The following RBFOX1 variants were observed in gnomAD, a reference collection of about 807,000 sequenced individuals.
RBFOX1 encodes RNA binding fox-1 homolog 1.
In RBFOX1, 8 loss-of-function variants were observed where a neutral mutation model predicts 57.7. The ratio of observed to expected loss-of-function variants is 0.14; its 90% CI spans 0.08 to 0.25. The LOEUF (loss-of-function observed/expected upper bound fraction) is 0.25. Ranked by LOEUF, RBFOX1 falls within the 10% of genes least tolerant of loss-of-function variation. RBFOX1 has a pLI of 1.00. For synonymous variants in RBFOX1, 326 were observed against 222.4 expected (o/e 1.47, Z -4.15); for missense variants, 611 against 548.5 (o/e 1.11, Z -1.14).
At chr16:7,267,906 C>T (rs2095211619) in intron 4 of RBFOX1, among the ~76,000 whole-genome samples, 1 of 152,140 alleles carries the variant, frequency 6.6e-6, no homozygotes, top group African/African-American at 2.4e-5. Context: ...GAGTCAGAAG[C>T]ACTTCAGTAC....
At chr16:6,844,100 C>T (rs534157791) in intron 3 of RBFOX1, among the ~76,000 whole-genome samples, 3 of 147,370 alleles carry the variant, frequency 2.0e-5, no homozygotes, top group Admixed American at 6.9e-5. Context: ...TGTCTCTAAG[C>T]CACCATCACA....
chr16:7,592,252 T>C (rs11077202), intron 7 of RBFOX1, among the ~76,000 whole-genome samples: 1 of 152,042 alleles, frequency 6.6e-6, no homozygotes, highest in African/African-American at 2.4e-5. Context: ...TGTATTCTCT[T>C]TGCTTAAAAA....
exon 1 of RBFOX1, chr16:5,240,029 A>G: frequency 6.5e-7 from 1 of 1,530,554 alleles, no homozygotes; most frequent in African/African-American, 1.4e-5. Flanking sequence ...CAGCCCGAGG[A>G]CTGCGAGGAC....
At chr16:6,337,497 G>T (rs1012243967) in intron 2 of RBFOX1, among the ~76,000 whole-genome samples, 2 of 152,188 alleles carry the variant, frequency 1.3e-5, no homozygotes, top group Non-Finnish European at 2.9e-5. Context: ...AATGGCAAAG[G>T]AGTGGAAATA....
chr16:6,023,038 C>G (rs1044601558), intron 1 of RBFOX1, among the ~76,000 whole-genome samples: 3 of 151,978 alleles, frequency 2.0e-5, no homozygotes, highest in Non-Finnish European at 4.4e-5. Context: ...AGGTTGTGGC[C>G]AGGGTCTCAG....
chr16:7,268,896 G>A (rs1158713421), intron 4 of RBFOX1, among the ~76,000 whole-genome samples: 3 of 151,800 alleles, frequency 2.0e-5, no homozygotes, highest in Non-Finnish European at 4.4e-5. Flanking sequence ...AATTAGCCAA[G>A]CGTGGTGGCA....
At chr16:6,835,787 T>C (rs1348135522) in intron 3 of RBFOX1, among the ~76,000 whole-genome samples, 1 of 143,092 alleles carries the variant, frequency 7.0e-6, no homozygotes, top group Non-Finnish European at 1.5e-5. Flanking sequence ...AAAAAGTTTG[T>C]ATCATGTGTA....
intron 1 of RBFOX1, among the ~76,000 whole-genome samples, chr16:5,383,912 C>G (rs1320820196): frequency 6.6e-6 from 1 of 152,172 alleles, no homozygotes; most frequent in Non-Finnish European, 1.5e-5. Flanking sequence ...AGGAGCTTGG[C>G]CAGTGTCATC....
rs529579483 is a variant in RBFOX1 at position 6,710,515 on chromosome 16, C to G, written c.-16+55865C>G. Among the ~76,000 whole-genome samples, 8 of 152,330 alleles carry G rather than the reference C, an allele frequency of 5.3e-5. No homozygotes were observed. In the South Asian group the frequency reaches 1.5e-3, roughly 28 times the overall value. Reference sequence around the variant, plus strand: ...ATTTAAACTAGCCACATTCCAAGTACTCAGAACCTCAAAAGGTGATGGTTA... The same window carrying G: ...ATTTAAACTAGCCACATTCCAAGTAGTCAGAACCTCAAAAGGTGATGGTTA... On this transcript the variant is annotated intron_variant, in intron 3 of 15. Transcript: ENST00000550418.
At position 5,947,435 on chromosome 16, in the gene RBFOX1, A is replaced by G. The variant is rs559976552; in HGVS notation, c.351+80100A>G. On this transcript the variant is annotated intron_variant, in intron 4 of 19. Transcript: ENST00000641259. This position sits in a 1 kb window ranked among gnomAD's most constrained non-coding sequence, Gnocchi z 7.2. ...CAGACTGGAGTGCATTGGTATGATC[A>G]TGGCTCACTACAGCCTCGAAATCTT... Among the ~76,000 whole-genome samples the G allele has an allele frequency of 1.3e-5, 2 of 152,254 alleles. No homozygotes were observed. The highest frequency in any genetic ancestry group is 2.1e-4 in the South Asian group (1 of 4,820).
At chr16:5,524,049 G>A (rs554432837) in intron 2 of RBFOX1, among the ~76,000 whole-genome samples, 1 of 152,316 alleles carries the variant, frequency 6.6e-6, no homozygotes, top group Non-Finnish European at 1.5e-5. Context: ...AAACTGTGCT[G>A]TTTGCAATTT....
At chr16:5,982,780 G>T (rs1348543921) in intron 4 of RBFOX1, among the ~76,000 whole-genome samples, 2 of 152,248 alleles carry the variant, frequency 1.3e-5, no homozygotes, top group African/African-American at 4.8e-5. Context: ...AGAAATAGAT[G>T]GTTACTTCCC....
intron 1 of RBFOX1, among the ~76,000 whole-genome samples, chr16:6,065,129 G>T (rs553975791): frequency 5.6e-4 from 85 of 151,556 alleles, no homozygotes; most frequent in Non-Finnish European, 1.0e-3. Flanking sequence ...CCGGGCTCAA[G>T]TGATCCTCCC....
At chr16:5,923,876 C>T (rs746492526) in intron 4 of RBFOX1, among the ~76,000 whole-genome samples, 1 of 152,150 alleles carries the variant, frequency 6.6e-6, no homozygotes, top group Non-Finnish European at 1.5e-5. Flanking sequence ...GACTTCCTGT[C>T]CTTTCCCTAA....
intron 3 of RBFOX1, among the ~76,000 whole-genome samples, chr16:6,754,758 G>C (rs538186298): frequency 3.6e-4 from 54 of 152,108 alleles, no homozygotes; most frequent in African/African-American, 1.2e-3. Context: ...CAATGTGCAG[G>C]TTAGTTACAT....
At position 5,891,483 on chromosome 16, in the gene RBFOX1, C is replaced by T. The variant is rs139016483; in HGVS notation, c.351+24148C>T. Among the ~76,000 whole-genome samples, 74 of 152,332 alleles carry T rather than the reference C, an allele frequency of 4.9e-4. 1 individual carries two copies. The highest frequency in any genetic ancestry group is 1.6e-3 in the African/African-American group (68 of 41,568). On this transcript the variant is annotated intron_variant, in intron 4 of 19. Transcript: ENST00000641259. Reference sequence around the variant, plus strand: ...CATTGGAATTCAGTTTTAAAATAGACAAACTAATTGTTTCAGTCAGAGTAT... The same window carrying T: ...CATTGGAATTCAGTTTTAAAATAGATAAACTAATTGTTTCAGTCAGAGTAT...
At chr16:6,906,573 A>C (rs891153428) in intron 3 of RBFOX1, among the ~76,000 whole-genome samples, 56 of 152,328 alleles carry the variant, frequency 3.7e-4, no homozygotes, top group African/African-American at 1.3e-3. Context: ...AGTTAAAAAC[A>C]AGGGGTACAT....
At chr16:6,843,489 C>T (rs2093600452) in intron 3 of RBFOX1, among the ~76,000 whole-genome samples, 5 of 152,006 alleles carry the variant, frequency 3.3e-5, no homozygotes. Flanking sequence ...GAGATCGAGA[C>T]CATCCTGGCT....
chr16:5,356,798 G>A lies in RBFOX1; in HGVS notation c.220-110418G>A, dbSNP rs531010824. 5.3e-5 allele frequency among the ~76,000 whole-genome samples: 8 copies of A among 152,298 alleles called. No homozygotes were observed. The South Asian group carries it at 1.5e-3, about 28-fold the overall frequency. On this transcript the variant is annotated intron_variant, in intron 1 of 2. Transcript: ENST00000585867. ...AATTAATTTATTTGACTGCTTTGAT[G>A]TCTAGTTGACATCGTTGTTGTCATT...
Sources: allele counts gnomAD v4.1 joint callset (sites outside exome capture counted in the v4.1 genomes callset), GRCh38; gene constraint gnomAD v4.1.1; non-coding constraint Gnocchi (gnomAD v3.1); transcripts MANE v1.5; gene names NCBI Gene and HGNC (gene_info 2026-07-23, HGNC 2026-07-21).